ABCC4: variants seen among roughly 807,000 people sequenced by gnomAD.
The protein encoded by ABCC4 is ATP-binding cassette sub-family C member 4.
A neutral mutation model predicts 168.5 loss-of-function variants in ABCC4; 102 were observed. The ratio of observed to expected loss-of-function variants is 0.61; its 90% CI spans 0.52 to 0.71. The LOEUF (loss-of-function observed/expected upper bound fraction) is 0.71. Among genes scored for constraint, ABCC4 ranks in the 30% least tolerant of loss-of-function variants. ABCC4 has a pLI of 0.00. For synonymous variants in ABCC4, 617 were observed against 590.7 expected (o/e 1.04, Z -0.65); for missense variants, 1,402 against 1,605.8 (o/e 0.87, Z 2.17).
At chr13:95,034,914 C>G (rs912264691) in intron 29 of ABCC4, among the ~76,000 whole-genome samples, 175 bp from the exon 30 acceptor site, 2 of 152,084 alleles carry the variant, frequency 1.3e-5, no homozygotes, top group Admixed American at 1.3e-4. Flanking sequence ...AAAGGCCTAA[C>G]CTGACCTTTT....
At chr13:95,089,495 G>A (rs938323705) in intron 20 of ABCC4, among the ~76,000 whole-genome samples, 1 of 152,132 alleles carries the variant, frequency 6.6e-6, no homozygotes, top group African/African-American at 2.4e-5. Context: ...ACGGGCACCT[G>A]TAATCCCAGC....
In ABCC4 at chr13:95,177,708, G is replaced by A; in HGVS notation, c.1726C>T (p.Leu576=). 6.2e-7 allele frequency: 1 copy of A among 1,607,804 alleles called. No homozygotes were observed. Among genetic ancestry groups the A allele is most frequent in the South Asian group, 1.1e-5 (1 of 90,502 alleles). ...GACTTAAGACACAAACACACTCACA[G>A]TTCGAACAAGTGTCTGCTAACTTCC... is the stretch of plus-strand genomic sequence containing the variant. The part of the protein sequence containing the change: ...DAEVSRHLFE[L]CICQILHEKI... The change falls in exon 13 of 31, where the codon CTG becomes TTG. Residue 576 remains leucine, a splice_region_variant and synonymous_variant. Coordinates refer to ENST00000645237, the MANE Select transcript of ABCC4 (RefSeq NM_005845.5).
At chr13:95,200,494 G>C (rs1337376254) in intron 8 of ABCC4, among the ~76,000 whole-genome samples, 1 of 152,128 alleles carries the variant, frequency 6.6e-6, no homozygotes, top group Non-Finnish European at 1.5e-5. Flanking sequence ...AGGCCGACGC[G>C]GGTGGATCAC....
At chr13:95,244,474 C>G (rs531641801) in intron 3 of ABCC4, among the ~76,000 whole-genome samples, 1 of 150,890 alleles carries the variant, frequency 6.6e-6, no homozygotes, top group African/African-American at 2.5e-5. Context: ...GTCCTAGCTA[C>G]TTGGGAGGAC....
At position 95,282,559 on chromosome 13, in the gene ABCC4, G is replaced by T. The variant is rs183979898; in HGVS notation, c.74+18682C>A. Among the ~76,000 whole-genome samples, 191 of 151,720 alleles carry T rather than the reference G, an allele frequency of 1.3e-3. 1 individual carries two copies. Among genetic ancestry groups the T allele is most frequent in the African/African-American group, 4.2e-3 (174 of 41,348 alleles). Reference sequence around the variant, plus strand: ...TTTATTTTTTATTTTTTTTGAGAAGGAGTCTTGCTCTGTCGCCCAGGCTGG... The same window carrying T: ...TTTATTTTTTATTTTTTTTGAGAAGTAGTCTTGCTCTGTCGCCCAGGCTGG... On this transcript the variant is annotated intron_variant, in intron 1 of 30. Transcript: ENST00000645237.
chr13:95,228,689 G>A (rs913645733), intron 4 of ABCC4, among the ~76,000 whole-genome samples: 1 of 151,892 alleles, frequency 6.6e-6, no homozygotes, highest in African/African-American at 2.4e-5. Flanking sequence ...ACTTGAACCC[G>A]GGAGGCGGAG....
chr13:95,274,788 T>C (rs1233213319), intron 1 of ABCC4, among the ~76,000 whole-genome samples: 2 of 152,014 alleles, frequency 1.3e-5, no homozygotes, highest in Admixed American at 6.6e-5. Context: ...AAAAACAACA[T>C]AGAATAAGCC....
intron 26 of ABCC4, among the ~76,000 whole-genome samples, chr13:95,057,797 G>A (rs1208961845): frequency 2.6e-5 from 4 of 152,196 alleles, no homozygotes; most frequent in South Asian, 2.1e-4. Flanking sequence ...ATGGCCATTC[G>A]AAGAAACAGC....
At chr13:95,027,473 C>T (rs1356285734) in intron 30 of ABCC4, among the ~76,000 whole-genome samples, 1 of 152,140 alleles carries the variant, frequency 6.6e-6, no homozygotes, top group Non-Finnish European at 1.5e-5. Context: ...CAAATTGATT[C>T]CACAGCACCA....
chr13:95,069,518 T>C (rs1182232551), intron 25 of ABCC4, among the ~76,000 whole-genome samples: 1 of 152,214 alleles, frequency 6.6e-6, no homozygotes, highest in African/African-American at 2.4e-5. Flanking sequence ...TTATATTAAA[T>C]ACATTCATGT....
chr13:95,240,531 AACACACAC>A (rs56298285), intron 3 of ABCC4, among the ~76,000 whole-genome samples: 24,030 of 149,498 alleles, frequency 0.16, 2,381 homozygotes, highest in Middle Eastern at 0.26. Context: ...TCCATCTCAA[AACACACAC>A]ACACACACAC....
intron 20 of ABCC4, among the ~76,000 whole-genome samples, chr13:95,097,207 G>A (rs1297762379): frequency 2.1e-5 from 1 of 48,214 alleles, no homozygotes; most frequent in Non-Finnish European, 4.2e-5. Flanking sequence ...AGCTAAAAAT[G>A]TGATAGAAAA....
chr13:95,265,370 A>G (rs747388079), intron 1 of ABCC4, among the ~76,000 whole-genome samples: 2 of 152,206 alleles, frequency 1.3e-5, no homozygotes, highest in Non-Finnish European at 2.9e-5. Flanking sequence ...CAGATGTTAA[A>G]GTATTTCAAA....
intron 3 of ABCC4, among the ~76,000 whole-genome samples, chr13:95,235,775 T>A (rs1324378762): frequency 6.6e-6 from 1 of 152,166 alleles, no homozygotes; most frequent in East Asian, 1.9e-4. Context: ...TGCTTCAGTA[T>A]GTTTCTGCCC....
intron 8 of ABCC4, among the ~76,000 whole-genome samples, chr13:95,204,781 C>G (rs1470031449): frequency 6.6e-6 from 1 of 152,324 alleles, no homozygotes; most frequent in South Asian, 2.1e-4. Context: ...TAACCTATTA[C>G]AGGAGCCAGT....
intron 8 of ABCC4, among the ~76,000 whole-genome samples, chr13:95,200,036 A>G (rs879674075): frequency 1.6e-4 from 25 of 152,318 alleles, no homozygotes; most frequent in Middle Eastern, 3.4e-3. Flanking sequence ...TCCAAAGACA[A>G]TGACACATGA....
At chr13:95,052,082 G>A (rs577486961) in intron 27 of ABCC4, among the ~76,000 whole-genome samples, 39 of 152,208 alleles carry the variant, frequency 2.6e-4, no homozygotes, top group African/African-American at 8.4e-4. Flanking sequence ...CCAGGTTCAA[G>A]CAATTCTCTT....
At chr13:95,121,763 A>C (rs966099423) in intron 19 of ABCC4, among the ~76,000 whole-genome samples, 2 of 152,088 alleles carry the variant, frequency 1.3e-5, no homozygotes, top group Non-Finnish European at 1.5e-5. Flanking sequence ...TTAAAGAATG[A>C]GACAGAGGAT....
intron 13 of ABCC4, among the ~76,000 whole-genome samples, chr13:95,177,241 A>G (rs2037733934): frequency 6.6e-6 from 1 of 152,194 alleles, no homozygotes; most frequent in Non-Finnish European, 1.5e-5. Context: ...CTTCCCAAGA[A>G]AGCCCTATGT....
Sources: gnomAD v4.1 joint callset for allele counts (sites outside exome capture counted in the v4.1 genomes callset) on GRCh38, gnomAD v4.1.1 for gene constraint, MANE v1.5 for transcripts, NCBI Gene and HGNC (gene_info 2026-07-23, HGNC 2026-07-21) for gene names.